The following DCDC2 variants were observed in gnomAD, a reference collection of about 807,000 sequenced individuals.
DCDC2 encodes the protein doublecortin domain containing 2, also known as doublecortin domain-containing protein 2.
In DCDC2, 40 loss-of-function variants were observed where a neutral mutation model predicts 50.2. The ratio of observed to expected loss-of-function variants is 0.80; its 90% CI spans 0.62 to 1.04. DCDC2 has a LOEUF of 1.04. Ranked by LOEUF, DCDC2 falls within the 50% of genes least tolerant of loss-of-function variation. DCDC2 has a pLI of 0.00. For synonymous variants in DCDC2, 234 were observed against 210.6 expected, an observed-to-expected ratio of 1.11 and a Z score of -0.96; for missense variants, 570 against 581.9, an observed-to-expected ratio of 0.98 and a Z score of 0.21.
intron 7 of DCDC2, among the ~76,000 whole-genome samples, chr6:24,262,614 C>T (rs957837839): frequency 1.3e-5 from 2 of 152,144 alleles, no homozygotes; most frequent in African/African-American, 4.8e-5. Flanking sequence ...CTTTCTGCTA[C>T]AGGAGAGGAG....
intron 7 of DCDC2, among the ~76,000 whole-genome samples, chr6:24,271,712 T>G (rs1172778646): frequency 1.3e-5 from 2 of 152,190 alleles, no homozygotes; most frequent in Non-Finnish European, 2.9e-5. Flanking sequence ...GAAACACCAT[T>G]GTACACAGTG....
At chr6:24,183,223 G>T (rs369626500) in intron 8 of DCDC2, among the ~76,000 whole-genome samples, 1 of 152,116 alleles carries the variant, frequency 6.6e-6, no homozygotes, top group Non-Finnish European at 1.5e-5. Context: ...GGTGGTGGTG[G>T]TTACACAACA....
chr6:24,221,440 A>G (rs1762116101), intron 7 of DCDC2, among the ~76,000 whole-genome samples: 1 of 151,992 alleles, frequency 6.6e-6, no homozygotes, highest in Non-Finnish European at 1.5e-5. Context: ...CGTGATGGCC[A>G]CCTCCCCAGA....
intron 6 of DCDC2, among the ~76,000 whole-genome samples, chr6:24,283,499 T>C (rs550004634): frequency 6.6e-6 from 1 of 151,902 alleles, no homozygotes; most frequent in South Asian, 2.1e-4. Flanking sequence ...AAAAGAGCAA[T>C]TCCTAGAAAG....
chr6:24,176,425 C>T (rs1760914262), intron 9 of DCDC2, among the ~76,000 whole-genome samples: 1 of 152,122 alleles, frequency 6.6e-6, no homozygotes, highest in Non-Finnish European at 1.5e-5. Flanking sequence ...AATTACATAA[C>T]CTTGATCTTG....
upstream of DCDC2, among the ~76,000 whole-genome samples, chr6:24,360,626 C>A (rs1436501643): frequency 6.6e-6 from 1 of 152,126 alleles, no homozygotes; most frequent in East Asian, 1.9e-4. Flanking sequence ...ATTGTGGCAC[C>A]AGGAAAATGT....
the DCDC2 span, among the ~76,000 whole-genome samples, chr6:24,378,477 C>G: frequency 1.8e-4 from 28 of 152,174 alleles, no homozygotes; most frequent in African/African-American, 5.8e-4. Context: ...AGCCCAGCAC[C>G]CTTGCTTTAG....
chr6:24,194,637 C>T (rs989845302), intron 8 of DCDC2, among the ~76,000 whole-genome samples: 5 of 152,192 alleles, frequency 3.3e-5, no homozygotes, highest in African/African-American at 9.7e-5. Flanking sequence ...ATGGAGCAGA[C>T]TCATTTCTTA....
chr6:24,341,674 T>C (rs1760157360), intron 2 of DCDC2, among the ~76,000 whole-genome samples: 1 of 152,212 alleles, frequency 6.6e-6, no homozygotes, highest in Non-Finnish European at 1.5e-5. Context: ...GAATTACATG[T>C]ATACTTTCCC....
chr6:24,248,264 C>T (rs1762726185), intron 7 of DCDC2, among the ~76,000 whole-genome samples: 1 of 152,142 alleles, frequency 6.6e-6, no homozygotes, highest in Admixed American at 6.5e-5. Context: ...TACCACAGGA[C>T]ACCATACGGT....
chr6:24,201,457 G>C (rs1761585673), intron 8 of DCDC2, among the ~76,000 whole-genome samples: 1 of 152,120 alleles, frequency 6.6e-6, no homozygotes, highest in Non-Finnish European at 1.5e-5. Flanking sequence ...AAACCAATGA[G>C]AACAAACACA....
At chr6:24,202,626 T>C (rs1278306193) in intron 8 of DCDC2, among the ~76,000 whole-genome samples, 1 of 152,186 alleles carries the variant, frequency 6.6e-6, no homozygotes, top group African/African-American at 2.4e-5. Context: ...TTAGAAGTTC[T>C]GGCCAGGGCA....
intron 7 of DCDC2, among the ~76,000 whole-genome samples, chr6:24,239,375 G>A (rs1405465560): frequency 1.3e-5 from 2 of 152,084 alleles, no homozygotes; most frequent in East Asian, 3.8e-4. Flanking sequence ...TCCATCAAAG[G>A]TGGACCACCT....
At chr6:24,351,609 G>C (rs542501365) in intron 2 of DCDC2, among the ~76,000 whole-genome samples, 8 of 152,302 alleles carry the variant, frequency 5.3e-5, no homozygotes, top group Non-Finnish European at 1.0e-4. Context: ...GTAGGAAGCA[G>C]GATGAAAGAG....
intron 7 of DCDC2, among the ~76,000 whole-genome samples, chr6:24,276,802 A>G (rs527640327): frequency 6.6e-6 from 1 of 152,278 alleles, no homozygotes; most frequent in East Asian, 1.9e-4. Context: ...AGATAATCAA[A>G]ACTTTAAAAA....
intron 2 of DCDC2, among the ~76,000 whole-genome samples, chr6:24,341,410 C>T (rs758378869): frequency 1.3e-5 from 2 of 151,926 alleles, no homozygotes; most frequent in Non-Finnish European, 2.9e-5. Flanking sequence ...GAGGCTTTCA[C>T]AATGATACAT....
intron 7 of DCDC2, among the ~76,000 whole-genome samples, chr6:24,229,749 C>G (rs1199729615): frequency 1.3e-5 from 2 of 152,308 alleles, no homozygotes; most frequent in African/African-American, 4.8e-5. Flanking sequence ...TGGAGATACA[C>G]TGTAAATGTT....
chr6:24,201,394 T>TG (rs1761584590), intron 8 of DCDC2, among the ~76,000 whole-genome samples: 1 of 152,138 alleles, frequency 6.6e-6, no homozygotes, highest in South Asian at 2.1e-4. Context: ...AACCTGCTCC[T>TG]GAATGACTAC....
chr6:24,370,030 C>G, the DCDC2 span, among the ~76,000 whole-genome samples: 2 of 151,644 alleles, frequency 1.3e-5, no homozygotes, highest in African/African-American at 4.9e-5. Context: ...AGTGGCAGAG[C>G]AAGACCCTGT....
Sources: allele counts gnomAD v4.1 joint callset (sites outside exome capture counted in the v4.1 genomes callset), GRCh38; gene constraint gnomAD v4.1.1; transcripts MANE v1.5; gene names NCBI Gene and HGNC (gene_info 2026-07-23, HGNC 2026-07-21).